The following ABCA3 variants were observed in gnomAD, a reference collection of about 807,000 sequenced individuals.
ABCA3 encodes phospholipid-transporting ATPase ABCA3.
Under a neutral mutation model 172.8 loss-of-function variants are expected in ABCA3, and 88 were observed. That is an observed-to-expected ratio of 0.51 (90% CI 0.43 to 0.61). The LOEUF is 0.61. Ranked by LOEUF, ABCA3 falls within the 20% of genes least tolerant of loss-of-function variation. The pLI, the probability that ABCA3 is intolerant of heterozygous loss-of-function variation, is 0.00. For missense variants in ABCA3, 2,164 were observed against 2,301.0 expected (o/e 0.94, Z 1.22); for synonymous variants, 1,066 against 983.8 (o/e 1.08, Z -1.56).
rs773840727 is a variant in ABCA3 at position 2,299,459 on chromosome 16, G to T, written c.1685C>A (p.Thr562Asn). ...GGCACCGTTGTGGCCCAGCAGGACG[G>T]TGATCTGTCCCTCGTACAGGTTGAG... is the stretch of plus-strand genomic sequence containing the variant. ...LNLNLYEGQI[T>N]VLLGHNGAGK... The change falls in exon 14 of 33, where the codon ACC (threonine) becomes AAC (asparagine). Residue 562 changes from threonine to asparagine, a missense_variant. This residue lies in a region of ABCA3 where 1,343 missense variants were observed against 1,369.6 expected (regional missense o/e 0.98). Transcript: ENST00000301732. 6.2e-7 allele frequency: 1 copy of T among 1,613,912 alleles called. No individual in the cohort carries two copies. Among genetic ancestry groups the T allele is most frequent in the South Asian group, 1.1e-5 (1 of 91,088 alleles).
At chr16:2,311,653 A>C (rs1031590120) in intron 10 of ABCA3, among the ~76,000 whole-genome samples, 10 of 152,030 alleles carry the variant, frequency 6.6e-5, no homozygotes, top group African/African-American at 2.4e-4. Flanking sequence ...TCCTGAGTAG[A>C]TGGGATTACA....
rs1439006840 is a variant in ABCA3, at chr16:2,328,750, A to C, written c.-324T>G. ...TTCAGGTTCAGTTGCTCAGCTCCAC[A>C]CTCATGGCTGATCCAAACCCAACAT... is the stretch of plus-strand genomic sequence containing the variant. On this transcript the variant is annotated 5_prime_UTR_variant, in exon 3 of 33. Transcript: ENST00000301732. 2 of 310,268 alleles carry C rather than the reference A, an allele frequency of 6.4e-6. No individual in the cohort carries two copies. Among genetic ancestry groups the C allele is most frequent in the Admixed American group, 7.8e-5 (2 of 25,732 alleles). The allele number at this position is 310,268 out of a possible 1,614,324, so 19.2% of individuals were successfully genotyped here. A position where few individuals can be genotyped will look rare whatever the true frequency, so the allele number is the denominator to read the frequency against.
chr16:2,294,192 ATT>A (rs754653044), intron 18 of ABCA3, among the ~76,000 whole-genome samples: 9 of 122,490 alleles, frequency 7.3e-5, no homozygotes, highest in Admixed American at 8.2e-5. Context: ...TAATTTTTGT[ATT>A]TTTTTTTTTT....
At chr16:2,336,970 T>C (rs959773751) in intron 1 of ABCA3, among the ~76,000 whole-genome samples, 39 of 151,712 alleles carry the variant, frequency 2.6e-4, no homozygotes, top group African/African-American at 9.4e-4. Flanking sequence ...TGCAGTGCAA[T>C]GGCATCATTA....
chr16:2,297,617 C>G lies in ABCA3; in HGVS notation c.2053-78G>C, dbSNP rs558619462. On this transcript the variant is annotated intron_variant, in intron 16 of 32. Transcript: ENST00000301732. This position sits in a 1 kb window ranked among gnomAD's most constrained non-coding sequence, Gnocchi z 5.6. ...AGGCTGGCCTTGCGGTAGGCCCCAT[C>G]GAGGGGTTCGCGGAGCCGGCTTGAG... The G allele has an allele frequency of 7.5e-6, 12 of 1,594,556 alleles. No homozygotes were observed. The highest frequency in any genetic ancestry group is 8.5e-6 in the Non-Finnish European group (10 of 1,171,704).
In ABCA3 at chr16:2,276,209, G is replaced by A; in HGVS notation, c.*465C>T. 1 of 428,434 alleles carries A rather than the reference G, an allele frequency of 2.3e-6. No individual in the cohort carries two copies. Among genetic ancestry groups the A allele is most frequent in the East Asian group, 7.1e-5 (1 of 14,090 alleles). 26.5% of individuals were successfully genotyped at this position (428,434 alleles called of 1,614,324 possible). On this transcript the variant is annotated 3_prime_UTR_variant, in exon 33 of 33. Transcript: ENST00000301732. ...AGCTTCCCTCCACTGACAGTGATCT[G>A]CATGGTCCATTCCTGGCGGCCTGGG... is the stretch of plus-strand genomic sequence containing the variant.
chr16:2,293,340 C>G (rs1567341587), intron 18 of ABCA3, among the ~76,000 whole-genome samples: 1 of 150,850 alleles, frequency 6.6e-6, no homozygotes, highest in Non-Finnish European at 1.5e-5. Flanking sequence ...CAATGAGCTA[C>G]CAAGCTACCG....
chr16:2,284,035 G>T lies in ABCA3; in HGVS notation c.3862+244C>A. The T allele has an allele frequency of 2.0e-6, 1 of 501,902 alleles. No homozygotes were observed. The highest frequency in any genetic ancestry group is 3.6e-6 in the Non-Finnish European group (1 of 276,416). 31.1% of individuals were successfully genotyped at this position (501,902 alleles called of 1,614,324 possible). A position where few individuals can be genotyped will look rare whatever the true frequency, so the allele number is the denominator to read the frequency against. On this transcript the variant is annotated intron_variant, in intron 25 of 32. Transcript: ENST00000301732. The surrounding 1 kb of genome is among the most constrained non-coding windows in gnomAD (Gnocchi z 5.9). The stretch of plus-strand genomic sequence containing the variant: ...CACTCCTCGTGCTAAGCGCTGGTCT[G>T]TGGTTCCTTGTTACAGATGCCCAGA...
rs397518427 is a variant in ABCA3 at position 2,297,815 on chromosome 16, C to T, written c.2003G>A (p.Gly668Asp). 1 of 1,613,582 alleles carries T rather than the reference C, an allele frequency of 6.2e-7. No individual in the cohort carries two copies. Among genetic ancestry groups the T allele is most frequent in the Non-Finnish European group, 8.5e-7 (1 of 1,180,036 alleles). ...WNSRSRFLSG[G>D]MRRKLSIGIA... ...GCCGATGGAGAGCTTGCGCCTCATG[C>T]CCCCGCTCAGGAAGCGGCTCCGTGA... Residue 668 changes from glycine (G) to aspartate (D), a missense_variant, in exon 16 of 33, where the codon GGC (glycine) becomes GAC (aspartate). Around this residue, in one of 3 missense-constraint regions of ABCA3, gnomAD observed 1,343 missense variants for 1,369.6 expected, o/e 0.98. Coordinates refer to ENST00000301732, the MANE Select transcript of ABCA3 (RefSeq NM_001089.3). The surrounding 1 kb of genome is among the most constrained non-coding windows in gnomAD (Gnocchi z 5.6).
intron 1 of ABCA3, among the ~76,000 whole-genome samples, chr16:2,331,252 C>T (rs1371267981): frequency 2.0e-5 from 3 of 151,882 alleles, no homozygotes; most frequent in East Asian, 1.9e-4. Context: ...CTCGCTCTGT[C>T]GCCGAGGCTG....
At chr16:2,323,469 T>G in intron 7 of ABCA3, 54 bp downstream of exon 7, 2 of 1,609,674 alleles carry the variant, frequency 1.2e-6, no homozygotes, top group Non-Finnish European at 1.7e-6. Flanking sequence ...CCCATATGAC[T>G]GTCACTAGTC....
Position 2,284,029 on chromosome 16 carries a change from T to C in ABCA3, c.3862+250A>G, listed in dbSNP as rs2093658989. ...GGGATTCACTCCTCGTGCTAAGCGC[T>C]GGTCTGTGGTTCCTTGTTACAGATG... On this transcript the variant is annotated intron_variant, in intron 25 of 32. Coordinates refer to ENST00000301732, the MANE Select transcript of ABCA3 (RefSeq NM_001089.3). The surrounding 1 kb of genome is among the most constrained non-coding windows in gnomAD (Gnocchi z 5.9). 1 of 484,922 alleles carries C rather than the reference T, an allele frequency of 2.1e-6. No individual in the cohort carries two copies. Among genetic ancestry groups the C allele is most frequent in the East Asian group, 3.9e-5 (1 of 25,854 alleles). 30.0% of individuals were successfully genotyped at this position (484,922 alleles called of 1,614,324 possible). A position where few individuals can be genotyped will look rare whatever the true frequency, so the allele number is the denominator to read the frequency against.
Position 2,300,053 on chromosome 16 carries a change from G to A in ABCA3, c.1563C>T (p.Ala521=), listed in dbSNP as rs199781101. 9.3e-6 allele frequency: 15 copies of A among 1,613,230 alleles called. No homozygotes were observed. Among genetic ancestry groups the A allele is most frequent in the African/African-American group, 6.7e-5 (5 of 74,684 alleles). The change falls in exon 13 of 33, where the codon GCC becomes GCT. Residue 521 remains alanine, a synonymous_variant. Coordinates refer to ENST00000301732, the MANE Select transcript of ABCA3 (RefSeq NM_001089.3). ...EKALRNEYFE[A]EPEDLVAGIK... ...TCCCCGCCACCAGGTCCTCTGGCTC[G>A]GCTTCAAAGTACTCGTTTCTGAGTG...
intron 17 of ABCA3, among the ~76,000 whole-genome samples, chr16:2,296,183 T>C (rs1235860057): frequency 6.6e-6 from 1 of 151,758 alleles, no homozygotes; most frequent in Non-Finnish European, 1.5e-5. Context: ...CTATCAGAGA[T>C]GCATCTCACC....
At chr16:2,337,828 T>C (rs542816943) in intron 1 of ABCA3, among the ~76,000 whole-genome samples, 3 of 152,354 alleles carry the variant, frequency 2.0e-5, no homozygotes, top group Admixed American at 6.5e-5. Flanking sequence ...CCTAGCTTGC[T>C]GGCGCTCATA....
chr16:2,278,164 C>A lies in ABCA3; in HGVS notation c.4719-95G>T, dbSNP rs2093649504. On this transcript the variant is annotated intron_variant, in intron 30 of 32. Coordinates refer to ENST00000301732, the MANE Select transcript of ABCA3 (RefSeq NM_001089.3). This position sits in a 1 kb window ranked among gnomAD's most constrained non-coding sequence, Gnocchi z 4.4. ...CTCTCCGATCAGGCTGTTCCTGATA[C>A]CCATGCTCAGTGTGGCTCACGGGCA... 1 of 1,595,320 alleles carries A rather than the reference C, an allele frequency of 6.3e-7. No homozygotes were observed. The highest frequency in any genetic ancestry group is 1.1e-5 in the South Asian group (1 of 90,638).
Position 2,298,015 on chromosome 16 carries a change from G to C in ABCA3, c.1897-94C>G. On this transcript the variant is annotated intron_variant, in intron 15 of 32. Coordinates refer to ENST00000301732, the MANE Select transcript of ABCA3 (RefSeq NM_001089.3). ...CTGGTGAGAGGAACCTCTCCTTGAC[G>C]TAGCTGGGGAGATGCAGGGCTCCTG... 3 of 1,178,488 alleles carry C rather than the reference G, an allele frequency of 2.5e-6. 1 individual carries two copies. Among genetic ancestry groups the C allele is most frequent in the South Asian group, 1.4e-5 (1 of 69,632 alleles). 73.0% of individuals were successfully genotyped at this position (1,178,488 alleles called of 1,614,324 possible).
Position 2,277,474 on chromosome 16 carries a change from AG to A in ABCA3, c.4983+122del. 1 of 999,854 alleles carries A rather than the reference AG, an allele frequency of 1.0e-6. No homozygotes were observed. Among genetic ancestry groups the A allele is most frequent in the Non-Finnish European group, 1.5e-6 (1 of 649,936 alleles). 61.9% of individuals were successfully genotyped at this position (999,854 alleles called of 1,614,324 possible). The stretch of plus-strand genomic sequence containing the variant: ...ACCAGCACGTATCAGGCTGAGTGTT[AG>A]GGGAGAAATGGAAAGTGACTCCTCT... On this transcript the variant is annotated intron_variant, in intron 32 of 32. Coordinates refer to ENST00000301732, the MANE Select transcript of ABCA3 (RefSeq NM_001089.3). The surrounding 1 kb of genome is among the most constrained non-coding windows in gnomAD (Gnocchi z 5.3).
Position 2,323,597 on chromosome 16 carries a change from T to C in ABCA3, c.539A>G (p.His180Arg), listed in dbSNP as rs1354515503. The C allele has an allele frequency of 3.1e-6, 5 of 1,614,034 alleles. No individual in the cohort carries two copies. Among genetic ancestry groups the C allele is most frequent in the Non-Finnish European group, 4.2e-6 (5 of 1,180,026 alleles). The change falls in exon 7 of 33, where the codon CAC (histidine) becomes CGC (arginine). Residue 180 changes from histidine to arginine, a missense_variant. Around this residue, in one of 3 missense-constraint regions of ABCA3, gnomAD observed 1,343 missense variants for 1,369.6 expected, o/e 0.98. Coordinates refer to ENST00000301732, the MANE Select transcript of ABCA3 (RefSeq NM_001089.3). The part of the protein sequence containing the change: ...SFFLKETEGW[H>R]TTSLFPLFPN... ...GAAAAGCGGGAAAAGGGAAGTAGTG[T>C]GCCAGCCTTCTGTCTCTTTCAGGAA... is the stretch of plus-strand genomic sequence containing the variant.
Sources: gnomAD v4.1 joint callset for allele counts (sites outside exome capture counted in the v4.1 genomes callset) on GRCh38, gnomAD v4.1.1 for gene constraint, gnomAD v4.1.1 regional missense constraint, Gnocchi (gnomAD v3.1) non-coding constraint, MANE v1.5 for transcripts, NCBI Gene and HGNC (gene_info 2026-07-23, HGNC 2026-07-21) for gene names.